The following NCK2 variants were observed in gnomAD, a reference collection of about 807,000 sequenced individuals.
NCK2 encodes the protein NCK adaptor protein 2.
A neutral mutation model predicts 33.9 loss-of-function variants in NCK2; 16 were observed. That is an observed-to-expected ratio of 0.47 (90% CI 0.32 to 0.72). The LOEUF (loss-of-function observed/expected upper bound fraction) is 0.72, where lower values mean the gene tolerates loss of function less well. Ranked by LOEUF, NCK2 falls within the 30% of genes least tolerant of loss-of-function variation. The probability of loss-of-function intolerance (pLI) is 0.03; values close to 1 mark genes in which losing one functional copy is unlikely to be tolerated. For synonymous variants in NCK2, 273 were observed against 239.9 expected (o/e 1.14, Z -1.27); for missense variants, 418 against 537.3 (o/e 0.78, Z 2.19).
At chr2:105,770,127 A>G (rs961693378) in intron 1 of NCK2, among the ~76,000 whole-genome samples, 8 of 44,174 alleles carry the variant, frequency 1.8e-4, no homozygotes, top group African/African-American at 1.3e-3. Flanking sequence ...TAATAAGTAA[A>G]AAAAAAAAAA....
intron 1 of NCK2, among the ~76,000 whole-genome samples, chr2:105,810,450 G>A (rs1189341861): frequency 6.6e-6 from 1 of 152,086 alleles, no homozygotes; most frequent in Non-Finnish European, 1.5e-5. Context: ...GAAAAAGGGG[G>A]GTTTGCACAG....
intron 1 of NCK2, among the ~76,000 whole-genome samples, chr2:105,811,908 A>C (rs567215182): frequency 2.5e-4 from 38 of 152,294 alleles, no homozygotes; most frequent in African/African-American, 7.2e-4. Flanking sequence ...GAGTATTTGA[A>C]GGCAGAAATC....
intron 4 of NCK2, among the ~76,000 whole-genome samples, chr2:105,889,575 T>C (rs973176758): frequency 8.9e-5 from 13 of 146,356 alleles, no homozygotes; most frequent in Admixed American, 6.2e-4. Flanking sequence ...GCATTTCTTT[T>C]TTTTTTTTTT....
intron 1 of NCK2, among the ~76,000 whole-genome samples, chr2:105,761,692 AC>A (rs1270482343): frequency 6.6e-6 from 1 of 152,190 alleles, no homozygotes; most frequent in Admixed American, 6.5e-5. Context: ...AGCCTGGGCA[AC>A]ATGGCGAAAC....
At chr2:105,784,292 A>G (rs11124058) in intron 1 of NCK2, among the ~76,000 whole-genome samples, 76,654 of 152,080 alleles carry the variant, frequency 0.5, 21,304 homozygotes, top group African/African-American at 0.75. Flanking sequence ...GGAAGTTGCC[A>G]TCCCTTTTCT....
chr2:105,881,310 C>T lies in NCK2; in HGVS notation c.227-18C>T, dbSNP rs763082202. On this transcript the variant is annotated intron_variant, in intron 3 of 4. Transcript: ENST00000233154. ...GCCCAAGTGCCCTGCGCCACTGAGC[C>T]TTGCTGTGTCTCCACAGGCCTCGGC... 1.3e-6 allele frequency: 2 copies of T among 1,571,162 alleles called. No homozygotes were observed.
intron 1 of NCK2, among the ~76,000 whole-genome samples, chr2:105,801,687 C>T (rs1674847101): frequency 6.6e-6 from 1 of 151,970 alleles, no homozygotes; most frequent in Non-Finnish European, 1.5e-5. Context: ...TTGGCAGGCT[C>T]ATCTCAAGGG....
At chr2:105,869,991 A>T (rs1468613082) in intron 3 of NCK2, among the ~76,000 whole-genome samples, 1 of 151,690 alleles carries the variant, frequency 6.6e-6, no homozygotes, top group Non-Finnish European at 1.5e-5. Context: ...TTATGACTGG[A>T]GTGGAAAGTC....
At chr2:105,847,518 G>T (rs1676898288) in intron 2 of NCK2, among the ~76,000 whole-genome samples, 1 of 152,052 alleles carries the variant, frequency 6.6e-6, no homozygotes, top group Non-Finnish European at 1.5e-5. Flanking sequence ...AAATGCAGGT[G>T]TGCAGCGGAA....
intron 1 of NCK2, among the ~76,000 whole-genome samples, chr2:105,806,638 T>C (rs906280009): frequency 6.6e-6 from 1 of 152,192 alleles, no homozygotes; most frequent in African/African-American, 2.4e-5. Context: ...TTATTCCACA[T>C]TTGATGGAAT....
intron 3 of NCK2, among the ~76,000 whole-genome samples, chr2:105,862,588 T>C (rs2104605686): frequency 6.6e-6 from 1 of 152,350 alleles, no homozygotes; most frequent in South Asian, 2.1e-4. Context: ...GTCAGAATTA[T>C]ACCAAGTTCT....
chr2:105,752,287 C>A (rs974416272), intron 1 of NCK2, among the ~76,000 whole-genome samples: 3 of 152,150 alleles, frequency 2.0e-5, no homozygotes, highest in Non-Finnish European at 2.9e-5. Context: ...TATTATTATG[C>A]TTTACTGGGA....
intron 2 of NCK2, among the ~76,000 whole-genome samples, chr2:105,834,261 A>G (rs1006141550): frequency 4.6e-5 from 7 of 151,940 alleles, no homozygotes; most frequent in East Asian, 1.9e-4. Context: ...CTGTTGTTCT[A>G]TTGGGGTCTA....
chr2:105,789,030 C>A (rs1392552151), intron 1 of NCK2, among the ~76,000 whole-genome samples: 6 of 152,126 alleles, frequency 3.9e-5, no homozygotes, highest in Non-Finnish European at 8.8e-5. Context: ...CCAATCTCCC[C>A]CTCCTCCCGA....
chr2:105,880,488 CA>C (rs1678425801), intron 3 of NCK2, among the ~76,000 whole-genome samples: 1 of 152,040 alleles, frequency 6.6e-6, no homozygotes, highest in African/African-American at 2.4e-5. Context: ...TTATGCTGCC[CA>C]GGGGTGAGGG....
rs544812304 is a variant in NCK2 at position 105,805,206 on chromosome 2, T to G, written c.-200-11224T>G. 3.3e-5 allele frequency among the ~76,000 whole-genome samples: 5 copies of G among 152,182 alleles called. No individual in the cohort carries two copies. The East Asian group carries it at 9.7e-4, about 29-fold the overall frequency. On this transcript the variant is annotated intron_variant, in intron 1 of 4. Coordinates refer to ENST00000233154, the MANE Select transcript of NCK2 (RefSeq NM_003581.5). ...TTTGAGTTCCTTCCTGAATGGTGAG[T>G]TGGATTTGATTGCACGATGGCATTG...
rs1175209860 is a variant in NCK2, at chr2:105,855,146, G to A, written c.83G>A (p.Arg28Gln). Residue 28 changes from arginine (R) to glutamine (Q), a missense_variant, in exon 3 of 5, where the codon CGG becomes CAG. Physicochemically the swap from Arg to Gln is conservative, Grantham distance 43 (BLOSUM62 1). Coordinates refer to ENST00000233154, the MANE Select transcript of NCK2 (RefSeq NM_003581.5). ...DQELDIKKNERLWLLDDSKTW... is the reference protein window; with the variant it reads ...DQELDIKKNEQLWLLDDSKTW... The stretch of plus-strand genomic sequence containing the variant: ...GAGCTGGACATCAAGAAGAACGAGC[G>A]GCTGTGGTTGCTGGACGACTCCAAG... 6.8e-6 allele frequency: 11 copies of A among 1,614,098 alleles called. No individual in the cohort carries two copies. Among genetic ancestry groups the A allele is most frequent in the African/African-American group, 2.7e-5 (2 of 74,918 alleles).
Position 105,855,031 on chromosome 2 carries a change from A to G in NCK2, c.-16-17A>G. ...GGGTAGTTCTCTAATGAGCATCTCCAAATGTTTTGCTGGCAGAAGGACTCC... is the reference window on the plus strand; with the variant it reads ...GGGTAGTTCTCTAATGAGCATCTCCGAATGTTTTGCTGGCAGAAGGACTCC... On this transcript the variant is annotated splice_polypyrimidine_tract_variant and intron_variant, in intron 2 of 4. Coordinates refer to ENST00000233154, the MANE Select transcript of NCK2 (RefSeq NM_003581.5). The G allele has an allele frequency of 6.3e-7, 1 of 1,593,748 alleles. No homozygotes were observed. The highest frequency in any genetic ancestry group is 1.7e-5 in the Admixed American group (1 of 59,968).
intron 4 of NCK2, among the ~76,000 whole-genome samples, chr2:105,884,238 T>C (rs55681756): frequency 0.16 from 24,662 of 152,068 alleles, 2,472 homozygotes; most frequent in Non-Finnish European, 0.22. Context: ...CTTGTTTTTT[T>C]CCCACCATCC....
Sources: allele counts gnomAD v4.1 joint callset (sites outside exome capture counted in the v4.1 genomes callset), GRCh38; gene constraint gnomAD v4.1.1; transcripts MANE v1.5; gene names NCBI Gene and HGNC (gene_info 2026-07-23, HGNC 2026-07-21).